The following CYFIP2 variants were observed in gnomAD, a reference collection of about 807,000 sequenced individuals.
CYFIP2 encodes the protein cytoplasmic FMR1 interacting protein 2, also known as cytoplasmic FMR1-interacting protein 2.
In CYFIP2, 29 loss-of-function variants were observed where a neutral mutation model predicts 158.7. The ratio of observed to expected loss-of-function variants is 0.18; its 90% CI spans 0.14 to 0.25. The LOEUF is 0.25. CYFIP2 is among the 10% of genes least tolerant of loss of function. The probability of loss-of-function intolerance (pLI) is 1.00; values close to 1 mark genes in which losing one functional copy is unlikely to be tolerated. For missense variants in CYFIP2, 852 were observed against 1,639.5 expected (o/e 0.52, Z 8.29); for synonymous variants, 585 against 617.6 (o/e 0.95, Z 0.78).
rs1755570813 is a variant in CYFIP2 at position 157,266,146 on chromosome 5, G to T, written c.-73G>T. 6.6e-6 allele frequency: 1 copy of T among 150,682 alleles called. No homozygotes were observed. Among genetic ancestry groups the T allele is most frequent in the South Asian group, 2.0e-4 (1 of 4,928 alleles). 9.3% of individuals were successfully genotyped at this position (150,682 alleles called of 1,614,324 possible). A position where few individuals can be genotyped will look rare whatever the true frequency, so the allele number is the denominator to read the frequency against. On this transcript the variant is annotated 5_prime_UTR_variant, in exon 1 of 31. Coordinates refer to ENST00000620254, the MANE Select transcript of CYFIP2 (RefSeq NM_001037333.3). The surrounding 1 kb of genome is among the most constrained non-coding windows in gnomAD (Gnocchi z 4.2). Reference sequence around the variant, plus strand: ...GCAGAGCATCCTGCGCCCCGGCGCGGGGCCCTGCGGTAGCCTCAGGCCCCT... The same window carrying T: ...GCAGAGCATCCTGCGCCCCGGCGCGTGGCCCTGCGGTAGCCTCAGGCCCCT...
chr5:157,329,318 T>G (rs1451413637), intron 19 of CYFIP2, among the ~76,000 whole-genome samples: 1 of 152,258 alleles, frequency 6.6e-6, no homozygotes, highest in Middle Eastern at 3.2e-3. Flanking sequence ...AAGACAATTC[T>G]GATTCCAAAT....
chr5:157,301,942 C>T (rs1758785661), intron 6 of CYFIP2, among the ~76,000 whole-genome samples: 1 of 152,170 alleles, frequency 6.6e-6, no homozygotes, highest in Middle Eastern at 3.2e-3. Context: ...GACTGATTCT[C>T]ACAAGTTTAC....
Position 157,302,905 on chromosome 5 carries a change from C to T in CYFIP2, c.666+15C>T, listed in dbSNP as rs550396504. ...GGATCACCCAGGTGAGGGCAGACTC[C>T]TTGTTAGGCCTGGCCTGATGTCTCG... On this transcript the variant is annotated intron_variant, in intron 7 of 30. Transcript: ENST00000620254. 6.0e-5 allele frequency: 93 copies of T among 1,556,826 alleles called. No homozygotes were observed. The highest frequency in any genetic ancestry group is 7.9e-5 in the Non-Finnish European group (91 of 1,149,088).
At chr5:157,359,743 T>G (rs2113356184) in intron 24 of CYFIP2, among the ~76,000 whole-genome samples, 1 of 152,368 alleles carries the variant, frequency 6.6e-6, no homozygotes, top group South Asian at 2.1e-4. Flanking sequence ...TATGAAAATT[T>G]CAAATGATGA....
In CYFIP2 at chr5:157,361,688, T is replaced by C; in HGVS notation, c.3039+90T>C. The C allele has an allele frequency of 2.6e-6, 4 of 1,522,700 alleles. No individual in the cohort carries two copies. Among genetic ancestry groups the C allele is most frequent in the Non-Finnish European group, 2.7e-6 (3 of 1,116,742 alleles). The allele number at this position is 1,522,700 out of a possible 1,614,324, so 94.3% of individuals were successfully genotyped here. ...ATATTGAGGCTCCTGCAGCATTGAT[T>C]TGTGCTTTGAGTACAAGCTCACATG... On this transcript the variant is annotated intron_variant, in intron 26 of 30. Transcript: ENST00000620254. This position sits in a 1 kb window ranked among gnomAD's most constrained non-coding sequence, Gnocchi z 4.4.
chr5:157,341,387 CA>C (rs70984462), intron 23 of CYFIP2, among the ~76,000 whole-genome samples: 28,921 of 151,296 alleles, frequency 0.19, 2,892 homozygotes, highest in Middle Eastern at 0.26. Context: ...CTGTCTCTAC[CA>C]AAAAAATAAA....
chr5:157,284,699 C>T (rs965682121), intron 1 of CYFIP2, among the ~76,000 whole-genome samples: 7 of 152,174 alleles, frequency 4.6e-5, no homozygotes, highest in African/African-American at 1.7e-4. Flanking sequence ...GTCTAAGACA[C>T]AGAAATATCC....
intron 3 of CYFIP2, among the ~76,000 whole-genome samples, 197 bp from the exon 4 acceptor site, chr5:157,294,586 G>A (rs1758097122): frequency 6.6e-6 from 1 of 152,102 alleles, no homozygotes; most frequent in South Asian, 2.1e-4. Context: ...AGTCATCTGG[G>A]AATTTTGTTG....
intron 8 of CYFIP2, 120 bp downstream of exon 8, chr5:157,304,486 C>T (rs1446700337): frequency 1.7e-5 from 20 of 1,185,176 alleles, no homozygotes; most frequent in East Asian, 4.9e-5. Context: ...ACAGATCTTA[C>T]GGCACATAAT....
At chr5:157,359,911 C>G (rs1347775418) in intron 24 of CYFIP2, among the ~76,000 whole-genome samples, 1 of 152,220 alleles carries the variant, frequency 6.6e-6, no homozygotes, top group African/African-American at 2.4e-5. Flanking sequence ...TTAAAGATGT[C>G]TGCCTTGGGC....
intron 16 of CYFIP2, among the ~76,000 whole-genome samples, chr5:157,325,140 A>G (rs1333895514): frequency 6.6e-6 from 1 of 152,030 alleles, no homozygotes; most frequent in African/African-American, 2.4e-5. Context: ...GCGCCCGGCC[A>G]CGAGCGTACT....
In CYFIP2 at chr5:157,389,338, C is replaced by A. The variant is rs1472327478; in HGVS notation, c.3357C>A (p.His1119Gln). 6.2e-7 allele frequency: 1 copy of A among 1,613,990 alleles called. No homozygotes were observed. The highest frequency in any genetic ancestry group is 8.5e-7 in the Non-Finnish European group (1 of 1,179,874). The change falls in exon 29 of 31, where the codon CAC becomes CAA. Residue 1119 changes from histidine to glutamine, a missense_variant. His to Gln is a conservative substitution (Grantham distance 24). Coordinates refer to ENST00000620254, the MANE Select transcript of CYFIP2 (RefSeq NM_001037333.3). The part of the protein sequence containing the change: ...RGPPPTNGVM[H>Q]VDECVEFHRL... ...CACCGCCCACCAATGGCGTCATGCACGTCGATGAGTGTGTGGAGTTCCACC... is the reference window on the plus strand; with the variant it reads ...CACCGCCCACCAATGGCGTCATGCAAGTCGATGAGTGTGTGGAGTTCCACC...
At chr5:157,287,624 T>C (rs958204984) in intron 3 of CYFIP2, among the ~76,000 whole-genome samples, 5 of 152,222 alleles carry the variant, frequency 3.3e-5, no homozygotes, top group African/African-American at 7.2e-5. Context: ...TGGGCTTCCA[T>C]TGATTTTATT....
intron 18 of CYFIP2, 130 bp downstream of exon 18, chr5:157,326,397 C>A: frequency 1.3e-6 from 1 of 770,220 alleles, no homozygotes; most frequent in Non-Finnish European, 2.2e-6. Flanking sequence ...GTAACCATGG[C>A]CATCAGAAGG....
chr5:157,374,574 A>C (rs1442227669), intron 26 of CYFIP2, among the ~76,000 whole-genome samples: 1 of 152,176 alleles, frequency 6.6e-6, no homozygotes, highest in African/African-American at 2.4e-5. Context: ...CCGTTGTTCC[A>C]GCATTGCAGG....
intron 15 of CYFIP2, among the ~76,000 whole-genome samples, chr5:157,323,334 A>T (rs1178787264): frequency 6.6e-6 from 1 of 152,184 alleles, no homozygotes; most frequent in African/African-American, 2.4e-5. Flanking sequence ...CATGGGGTCA[A>T]AACGCTGAGG....
At chr5:157,392,324 T>TC (rs1314909253) in intron 30 of CYFIP2, among the ~76,000 whole-genome samples, 6 of 152,108 alleles carry the variant, frequency 3.9e-5, no homozygotes, top group Non-Finnish European at 4.4e-5. Flanking sequence ...TGAAAATTTT[T>TC]CCCCTATATT....
intron 26 of CYFIP2, among the ~76,000 whole-genome samples, chr5:157,378,476 A>G: frequency 6.6e-6 from 1 of 152,166 alleles, no homozygotes. Context: ...TTCTGTTTCT[A>G]TTCTTGGTAA....
chr5:157,303,925 AG>A (rs1244593283), intron 7 of CYFIP2, among the ~76,000 whole-genome samples: 1 of 151,834 alleles, frequency 6.6e-6, no homozygotes, highest in Non-Finnish European at 1.5e-5. Context: ...TGAAATGACA[AG>A]AAGCCTATTG....
Sources: allele counts gnomAD v4.1 joint callset (sites outside exome capture counted in the v4.1 genomes callset), GRCh38; gene constraint gnomAD v4.1.1; non-coding constraint Gnocchi (gnomAD v3.1); transcripts MANE v1.5; gene names NCBI Gene and HGNC (gene_info 2026-07-23, HGNC 2026-07-21).